AMOTL1: variants seen among roughly 807,000 people sequenced by gnomAD.
The protein encoded by AMOTL1 is angiomotin like 1, also known as angiomotin-like protein 1.
Under a neutral mutation model 102.9 loss-of-function variants are expected in AMOTL1, and 45 were observed. The observed-to-expected ratio is 0.44, with a 90% CI of 0.34 to 0.56. The LOEUF (loss-of-function observed/expected upper bound fraction) is 0.56, where lower values mean the gene tolerates loss of function less well. AMOTL1 is among the 20% of genes least tolerant of loss of function. The probability of loss-of-function intolerance (pLI) is 0.01; values close to 1 mark genes in which losing one functional copy is unlikely to be tolerated. For synonymous variants in AMOTL1, 481 were observed against 484.7 expected (o/e 0.99, Z 0.10); for missense variants, 1,114 against 1,225.6 (o/e 0.91, Z 1.36).
At chr11:94,735,676 A>C (rs563882681) in intron 2 of AMOTL1, among the ~76,000 whole-genome samples, 1 of 152,150 alleles carries the variant, frequency 6.6e-6, no homozygotes, top group Non-Finnish European at 1.5e-5. Flanking sequence ...ACTTGTTTAA[A>C]CAATTCGTAT....
chr11:94,851,141 C>T (rs906823244), intron 7 of AMOTL1, among the ~76,000 whole-genome samples: 2 of 152,118 alleles, frequency 1.3e-5, no homozygotes, highest in Non-Finnish European at 2.9e-5. Flanking sequence ...CAACAGCCTT[C>T]CATGTTGCCA....
chr11:94,788,340 T>A (rs1470655590), intron 1 of AMOTL1, among the ~76,000 whole-genome samples: 3 of 152,202 alleles, frequency 2.0e-5, no homozygotes, highest in Non-Finnish European at 2.9e-5. Context: ...CCCTTCTCCT[T>A]ACCCATAACT....
chr11:94,751,652 G>A (rs1950655521), intron 3 of AMOTL1, among the ~76,000 whole-genome samples: 1 of 151,698 alleles, frequency 6.6e-6, no homozygotes, highest in African/African-American at 2.4e-5. Context: ...GAGTAGGAAG[G>A]GGGAAAATGA....
chr11:94,751,798 A>ACACT (rs539759630), intron 3 of AMOTL1, among the ~76,000 whole-genome samples: 2,323 of 151,506 alleles, frequency 0.015, 53 homozygotes, highest in African/African-American at 0.054. Context: ...ACACACACAC[A>ACACT]CACGTGCACA....
At chr11:94,715,558 T>G (rs1348598570) in intron 1 of AMOTL1, among the ~76,000 whole-genome samples, 3 of 152,126 alleles carry the variant, frequency 2.0e-5, no homozygotes, top group African/African-American at 7.2e-5. Flanking sequence ...ACAAATTCTC[T>G]TAGTTTTCCT....
At chr11:94,820,537 G>A (rs1214289356) in intron 3 of AMOTL1, among the ~76,000 whole-genome samples, 1 of 152,202 alleles carries the variant, frequency 6.6e-6, no homozygotes, top group Non-Finnish European at 1.5e-5. Flanking sequence ...CTTGGCACCA[G>A]GGATCCGTTT....
intron 3 of AMOTL1, among the ~76,000 whole-genome samples, chr11:94,810,858 A>G (rs1181228210): frequency 6.6e-6 from 1 of 151,612 alleles, no homozygotes; most frequent in Non-Finnish European, 1.5e-5. Flanking sequence ...ACACACACAC[A>G]CACACACACA....
intron 8 of AMOTL1, among the ~76,000 whole-genome samples, chr11:94,859,084 A>G (rs886404454): frequency 6.6e-6 from 1 of 152,162 alleles, no homozygotes; most frequent in Non-Finnish European, 1.5e-5. Flanking sequence ...CACCAGCCTT[A>G]GCGGAAACAA....
chr11:94,850,200 G>A lies in AMOTL1; in HGVS notation c.1735G>A (p.Glu579Lys), dbSNP rs566138044. The A allele has an allele frequency of 5.6e-6, 9 of 1,595,010 alleles. No homozygotes were observed. Among genetic ancestry groups the A allele is most frequent in the East Asian group, 4.5e-5 (2 of 44,232 alleles). ...TASEDHRRHI[E>K]ILDQALSNAQ... Reference sequence around the variant, plus strand: ...AAGTGAGGACCATCGGAGACACATCGAGATCCTGGACCAGGCTTTGAGCAA... The same window carrying A: ...AAGTGAGGACCATCGGAGACACATCAAGATCCTGGACCAGGCTTTGAGCAA... Residue 579 changes from glutamate (E) to lysine (K), a missense_variant, in exon 7 of 13, where the codon GAG becomes AAG. Transcript: ENST00000433060.
At chr11:94,745,091 G>A (rs967478651) in intron 3 of AMOTL1, among the ~76,000 whole-genome samples, 1 of 151,360 alleles carries the variant, frequency 6.6e-6, no homozygotes, top group Non-Finnish European at 1.5e-5. Flanking sequence ...TAAGTTCTAG[G>A]GTACATGTGC....
intron 7 of AMOTL1, 127 bp from the exon 8 acceptor site, chr11:94,853,806 G>C: frequency 9.9e-7 from 1 of 1,007,244 alleles, no homozygotes; most frequent in Non-Finnish European, 1.5e-6. Flanking sequence ...TAGGAGTAGG[G>C]CGGTGGGAGG....
upstream of AMOTL1, chr11:94,768,231 C>T (rs986264276): frequency 8.6e-6 from 10 of 1,159,282 alleles, no homozygotes; most frequent in African/African-American, 6.5e-5. Context: ...CGGGTGTCTG[C>T]AGACGGGCTC....
chr11:94,768,983 G>C (rs1250456544), intron 1 of AMOTL1, among the ~76,000 whole-genome samples: 1 of 152,112 alleles, frequency 6.6e-6, no homozygotes, highest in African/African-American at 2.4e-5. Flanking sequence ...ACAAAGGCGC[G>C]CGCACCGGCC....
intron 2 of AMOTL1, among the ~76,000 whole-genome samples, chr11:94,735,824 G>A (rs548264125): frequency 7.9e-5 from 12 of 152,130 alleles, no homozygotes; most frequent in Admixed American, 2.6e-4. Context: ...TATACCAAAT[G>A]TTTTTTCCTT....
chr11:94,785,829 T>A (rs1447270455), intron 1 of AMOTL1, among the ~76,000 whole-genome samples: 1 of 152,212 alleles, frequency 6.6e-6, no homozygotes, highest in Admixed American at 6.5e-5. Context: ...ATATTGTCAT[T>A]TCATGTCTGG....
At position 94,854,023 on chromosome 11, in the gene AMOTL1, A is replaced by G. The variant is rs763848601; in HGVS notation, c.1885A>G (p.Met629Val). ...GTCTGCATGTGAGAAGCGAGAACAG[A>G]TGGAGCGGAGACTGCGGACTTGGCT... The part of the protein sequence containing the change: ...LQSACEKREQ[M>V]ERRLRTWLER... Residue 629 changes from methionine (M) to valine (V), a missense_variant, in exon 8 of 13, where the codon ATG becomes GTG. Transcript: ENST00000433060. 1 of 1,573,836 alleles carries G rather than the reference A, an allele frequency of 6.4e-7. No homozygotes were observed. The highest frequency in any genetic ancestry group is 8.6e-7 in the Non-Finnish European group (1 of 1,158,510).
intron 3 of AMOTL1, among the ~76,000 whole-genome samples, chr11:94,749,521 T>C (rs911281069): frequency 6.6e-6 from 1 of 152,226 alleles, no homozygotes; most frequent in African/African-American, 2.4e-5. Flanking sequence ...AATTCAGTCA[T>C]GTCGACACCT....
intron 1 of AMOTL1, among the ~76,000 whole-genome samples, chr11:94,784,671 G>A (rs1436634079): frequency 6.6e-6 from 1 of 152,266 alleles, no homozygotes; most frequent in East Asian, 1.9e-4. Context: ...TACTTAAAAT[G>A]TGATTTATTT....
At chr11:94,859,002 C>T (rs1157654957) in intron 8 of AMOTL1, among the ~76,000 whole-genome samples, 1 of 152,162 alleles carries the variant, frequency 6.6e-6, no homozygotes, top group Non-Finnish European at 1.5e-5. Context: ...GTGAATACCT[C>T]CTTTCCCAGC....
Sources: gnomAD v4.1 joint callset for allele counts (sites outside exome capture counted in the v4.1 genomes callset) on GRCh38, gnomAD v4.1.1 for gene constraint, MANE v1.5 for transcripts, NCBI Gene and HGNC (gene_info 2026-07-23, HGNC 2026-07-21) for gene names.